The following CTNNA3 variants were observed in gnomAD, a reference collection of about 807,000 sequenced individuals.
CTNNA3 encodes the protein catenin alpha 3, also known as catenin alpha-3.
CTNNA3 carries 76 observed loss-of-function variants against 95.7 expected under a neutral mutation model. That is an observed-to-expected ratio of 0.79 (90% CI 0.66 to 0.96). The LOEUF is 0.96. CTNNA3 is among the 40% of genes least tolerant of loss of function. CTNNA3 has a pLI of 0.00. For missense variants in CTNNA3, 1,191 were observed against 1,089.8 expected (o/e 1.09, Z -1.31); for synonymous variants, 431 against 374.4 (o/e 1.15, Z -1.74).
At chr10:66,571,769 T>C (rs1842872971) in intron 10 of CTNNA3, among the ~76,000 whole-genome samples, 3 of 152,112 alleles carry the variant, frequency 2.0e-5, no homozygotes, top group African/African-American at 7.2e-5. Flanking sequence ...GTGAGATAAA[T>C]CTGTAATGAC....
chr10:66,767,787 T>G (rs991832695), intron 8 of CTNNA3, among the ~76,000 whole-genome samples: 1 of 152,162 alleles, frequency 6.6e-6, no homozygotes, highest in Admixed American at 6.6e-5. Context: ...AATTACAGGT[T>G]TCTGGAAGAA....
chr10:67,477,985 T>C (rs1848081786), intron 5 of CTNNA3, among the ~76,000 whole-genome samples: 1 of 152,130 alleles, frequency 6.6e-6, no homozygotes, highest in Non-Finnish European at 1.5e-5. Context: ...ATCTTAAAAA[T>C]AAATCAGTCA....
chr10:67,568,187 C>A (rs1485835491), intron 3 of CTNNA3, among the ~76,000 whole-genome samples: 1 of 149,968 alleles, frequency 6.7e-6, no homozygotes, highest in Non-Finnish European at 1.5e-5. Flanking sequence ...TCTACATTTT[C>A]ATAGTTCTTC....
At chr10:65,985,787 AAG>A (rs933535592) in intron 16 of CTNNA3, among the ~76,000 whole-genome samples, 4 of 151,530 alleles carry the variant, frequency 2.6e-5, no homozygotes, top group Non-Finnish European at 5.9e-5. Flanking sequence ...ACCATTAGCT[AAG>A]AGAAAGAAAT....
chr10:66,204,895 ATAT>A (rs2087663559), intron 13 of CTNNA3, among the ~76,000 whole-genome samples: 1 of 152,200 alleles, frequency 6.6e-6, no homozygotes, highest in Non-Finnish European at 1.5e-5. Context: ...CTAATGGCAC[ATAT>A]TATTATATAA....
intron 1 of CTNNA3, among the ~76,000 whole-genome samples, chr10:67,720,152 T>TTTTTTTTTTTTTTTTTTTTTTA (rs1841171540): frequency 8.2e-6 from 1 of 122,636 alleles, no homozygotes; most frequent in Non-Finnish European, 1.7e-5. Flanking sequence ...TTTTTTTTTT[T>TTTTTTTTTTTTTTTTTTTTTTA]GCTGTCCAAT....
intron 9 of CTNNA3, among the ~76,000 whole-genome samples, chr10:66,729,394 T>C (rs1269831839): frequency 6.6e-6 from 1 of 152,254 alleles, no homozygotes. Flanking sequence ...AGTGTGGCAA[T>C]TCCTCAAAGA....
At chr10:66,232,739 A>T (rs2089647744) in intron 13 of CTNNA3, among the ~76,000 whole-genome samples, 1 of 152,228 alleles carries the variant, frequency 6.6e-6, no homozygotes, top group Non-Finnish European at 1.5e-5. Flanking sequence ...CACTTGATTT[A>T]TTACAAAGTT....
intron 7 of CTNNA3, among the ~76,000 whole-genome samples, chr10:66,853,619 G>A (rs1386755725): frequency 6.6e-6 from 1 of 152,082 alleles, no homozygotes; most frequent in Non-Finnish European, 1.5e-5. Flanking sequence ...TCACTGGACT[G>A]TGTAATCTCT....
intron 9 of CTNNA3, among the ~76,000 whole-genome samples, chr10:66,686,797 C>T (rs6480200): frequency 0.55 from 83,671 of 151,372 alleles, 23,804 homozygotes; most frequent in African/African-American, 0.68. Context: ...AAGGACAATA[C>T]CATTTGAATC....
At chr10:67,566,732 T>C (rs1210235885) in intron 3 of CTNNA3, among the ~76,000 whole-genome samples, 2 of 152,008 alleles carry the variant, frequency 1.3e-5, no homozygotes, top group African/African-American at 4.8e-5. Flanking sequence ...GTATGTTTAT[T>C]GCGGCACTCT....
intron 12 of CTNNA3, among the ~76,000 whole-genome samples, chr10:66,337,434 T>C (rs2092409397): frequency 6.6e-6 from 1 of 152,106 alleles, no homozygotes; most frequent in African/African-American, 2.4e-5. Context: ...CATCATTTAA[T>C]CCTCCACAGT....
chr10:66,176,305 A>G (rs937554748), intron 13 of CTNNA3, among the ~76,000 whole-genome samples: 3 of 152,156 alleles, frequency 2.0e-5, no homozygotes, highest in African/African-American at 7.2e-5. Context: ...GCTTCTGAAA[A>G]CCATCATTTA....
chr10:66,716,804 C>T (rs914143065), intron 9 of CTNNA3, among the ~76,000 whole-genome samples: 1 of 152,128 alleles, frequency 6.6e-6, no homozygotes, highest in Admixed American at 6.6e-5. Flanking sequence ...GTTGGAACTT[C>T]TATACATTTG....
In CTNNA3 at chr10:65,993,609, A is replaced by G. The variant is rs533348100; in HGVS notation, c.2160-4812T>C. Reference sequence around the variant, plus strand: ...CTGTTTGCACCAAATATCTTTTTCAATCCTTTACTTTCATTCTATATGTCT... The same window carrying G: ...CTGTTTGCACCAAATATCTTTTTCAGTCCTTTACTTTCATTCTATATGTCT... On this transcript the variant is annotated intron_variant, in intron 15 of 17. Transcript: ENST00000433211. Among the ~76,000 whole-genome samples the G allele has an allele frequency of 3.9e-5, 6 of 152,210 alleles. No homozygotes were observed. In the East Asian group the frequency reaches 5.8e-4, roughly 15 times the overall value.
intron 11 of CTNNA3, among the ~76,000 whole-genome samples, chr10:66,408,454 C>T (rs1325828013): frequency 6.6e-6 from 1 of 152,124 alleles, no homozygotes; most frequent in Non-Finnish European, 1.5e-5. Context: ...TAATCATTCT[C>T]ATTGGCACAC....
intron 10 of CTNNA3, among the ~76,000 whole-genome samples, chr10:66,551,730 C>T (rs769934650): frequency 8.6e-5 from 13 of 151,732 alleles, no homozygotes; most frequent in Non-Finnish European, 1.3e-4. Context: ...ACTCAAGTTC[C>T]GTTTGTAAGT....
rs1000121348 is a variant in CTNNA3, at chr10:66,573,540, A to G, written c.1374+48152T>C. On this transcript the variant is annotated intron_variant, in intron 10 of 17. Coordinates refer to ENST00000433211, the MANE Select transcript of CTNNA3 (RefSeq NM_013266.4). ...AATTTTACTGAAGTTCAACAAAATC[A>G]TTATATAACAAATACATATGAGAAA... Among the ~76,000 whole-genome samples the G allele has an allele frequency of 5.9e-5, 9 of 152,342 alleles. No individual in the cohort carries two copies. In the South Asian group the frequency reaches 1.4e-3, roughly 25 times the overall value.
chr10:65,982,657 T>TAA (rs1342300148), intron 16 of CTNNA3, among the ~76,000 whole-genome samples: 42 of 150,634 alleles, frequency 2.8e-4, no homozygotes, highest in African/African-American at 6.1e-4. Flanking sequence ...TATATATATA[T>TAA]AAATGTGGTA....
Sources: allele counts gnomAD v4.1 joint callset (sites outside exome capture counted in the v4.1 genomes callset), GRCh38; gene constraint gnomAD v4.1.1; transcripts MANE v1.5; gene names NCBI Gene and HGNC (gene_info 2026-07-23, HGNC 2026-07-21).